The following PTPN11 variants were observed in gnomAD, a reference collection of about 807,000 sequenced individuals.
PTPN11 encodes protein tyrosine phosphatase non-receptor type 11.
Under a neutral mutation model 78.8 loss-of-function variants are expected in PTPN11, and 6 were observed. That is an observed-to-expected ratio of 0.08 (90% confidence interval 0.04 to 0.15). PTPN11 has a LOEUF of 0.15. PTPN11 is among the 10% of genes least tolerant of loss of function. The pLI, the probability that PTPN11 is intolerant of heterozygous loss-of-function variation, is 1.00. For synonymous variants in PTPN11, 221 were observed against 263.5 expected (o/e 0.84, Z 1.56); for missense variants, 386 against 744.8 (o/e 0.52, Z 5.61).
At chr12:112,470,901 GCA>G (rs1438562227) in intron 6 of PTPN11, among the ~76,000 whole-genome samples, 1 of 152,136 alleles carries the variant, frequency 6.6e-6, no homozygotes, top group East Asian at 1.9e-4. Flanking sequence ...TGCTAACACA[GCA>G]GTATTGCTTG....
In PTPN11 at chr12:112,419,105, G is replaced by A. The variant is rs1267025751; in HGVS notation, c.-7G>A. On this transcript the variant is annotated 5_prime_UTR_variant, in exon 1 of 16. Coordinates refer to ENST00000351677, the MANE Select transcript of PTPN11 (RefSeq NM_002834.5). ...GGTCCGTCGCGGAGCCGGAGGGCGG[G>A]AGGAACATGACATCGCGGAGGTGAG... The A allele has an allele frequency of 3.3e-6, 5 of 1,531,062 alleles. No homozygotes were observed. In the African/African-American group the frequency reaches 5.6e-5, roughly 17 times the overall value. 94.8% of individuals were successfully genotyped at this position (1,531,062 alleles called of 1,614,324 possible).
chr12:112,488,739 C>T (rs1227835499), intron 12 of PTPN11, among the ~76,000 whole-genome samples: 1 of 152,188 alleles, frequency 6.6e-6, no homozygotes, highest in Non-Finnish European at 1.5e-5. Flanking sequence ...CCTTTTGTTG[C>T]ATACACAGTG....
At chr12:112,446,018 G>A (rs2037988756) in intron 1 of PTPN11, among the ~76,000 whole-genome samples, 3 of 152,090 alleles carry the variant, frequency 2.0e-5, no homozygotes, top group Admixed American at 2.0e-4. Context: ...CCCCCTCAGT[G>A]CACTGTCTTA....
Position 112,463,493 on chromosome 12 carries a change from A to G in PTPN11, c.756+7430A>G, listed in dbSNP as rs1165204178. ...ACTTTCACAAAGAGCTTGTGTGGCA[A>G]TGGGGTATTTTTTGCAAATTCCATT... On this transcript the variant is annotated intron_variant, in intron 6 of 15. Transcript: ENST00000351677. 2.6e-5 allele frequency among the ~76,000 whole-genome samples: 4 copies of G among 152,180 alleles called. No homozygotes were observed. In the East Asian group the frequency reaches 5.8e-4, roughly 22 times the overall value.
At chr12:112,499,213 TA>T (rs1181294791) in intron 13 of PTPN11, among the ~76,000 whole-genome samples, 2 of 152,132 alleles carry the variant, frequency 1.3e-5, no homozygotes, top group South Asian at 2.1e-4. Context: ...AAATTGCTTT[TA>T]AAAAAAGTAT....
chr12:112,487,896 G>A (rs2038700238), intron 11 of PTPN11, among the ~76,000 whole-genome samples: 1 of 152,058 alleles, frequency 6.6e-6, no homozygotes, highest in Non-Finnish European at 1.5e-5. Flanking sequence ...CAATTCTCAT[G>A]TCTCAGCCTC....
chr12:112,482,056 T>C lies in PTPN11; in HGVS notation c.1093-18T>C. ...AGAGTTCACAGAATTAACTTTCTTT[T>C]TTTCTGATCTCTTCCAGAGTAAATG... On this transcript the variant is annotated intron_variant, in intron 9 of 15. Coordinates refer to ENST00000351677, the MANE Select transcript of PTPN11 (RefSeq NM_002834.5). The surrounding 1 kb of genome is among the most constrained non-coding windows in gnomAD (Gnocchi z 4.4). 6.5e-7 allele frequency: 1 copy of C among 1,550,354 alleles called. No homozygotes were observed. The highest frequency in any genetic ancestry group is 8.9e-7 in the Non-Finnish European group (1 of 1,122,628).
In PTPN11 at chr12:112,473,057, C is replaced by T. The variant is rs746692191; in HGVS notation, c.853+17C>T. 114 of 1,548,210 alleles carry T rather than the reference C, an allele frequency of 7.4e-5. 1 individual carries two copies. Among genetic ancestry groups the T allele is most frequent in the Non-Finnish European group, 8.3e-5 (93 of 1,120,636 alleles). On this transcript the variant is annotated intron_variant, in intron 7 of 15. Transcript: ENST00000351677. ...TCCTGCCCTGTAAGTATCAATATTC[C>T]GCTCAGTAATAGTCACTCTTGGAGA...
chr12:112,450,073 C>T (rs545828368), intron 2 of PTPN11, among the ~76,000 whole-genome samples: 10 of 143,218 alleles, frequency 7.0e-5, no homozygotes, highest in South Asian at 6.6e-4. Context: ...GCAATAAGAG[C>T]GAAACTCCAT....
intron 13 of PTPN11, among the ~76,000 whole-genome samples, chr12:112,497,793 G>T (rs7957501): frequency 0.039 from 5,985 of 152,232 alleles, 271 homozygotes; most frequent in African/African-American, 0.11. Flanking sequence ...ATTACAGATT[G>T]TAGACTTTAT....
intron 4 of PTPN11, among the ~76,000 whole-genome samples, 199 bp from the exon 5 acceptor site, chr12:112,454,365 C>T (rs1485891871): frequency 6.6e-6 from 1 of 152,160 alleles, no homozygotes; most frequent in African/African-American, 2.4e-5. Flanking sequence ...AATGATCTGC[C>T]CGCCTTGGCC....
intron 1 of PTPN11, among the ~76,000 whole-genome samples, chr12:112,421,785 C>T (rs1399395237): frequency 1.3e-5 from 2 of 152,092 alleles, no homozygotes; most frequent in Non-Finnish European, 2.9e-5. Context: ...CACCACCACA[C>T]CCGGCTAATT....
chr12:112,420,770 G>T (rs1012777603), intron 1 of PTPN11, among the ~76,000 whole-genome samples: 1 of 152,212 alleles, frequency 6.6e-6, no homozygotes, highest in Non-Finnish European at 1.5e-5. Context: ...TGAGTGACTT[G>T]GACAGGTCGG....
At chr12:112,454,052 A>G (rs2038117766) in intron 4 of PTPN11, among the ~76,000 whole-genome samples, 1 of 152,012 alleles carries the variant, frequency 6.6e-6, no homozygotes, top group Non-Finnish European at 1.5e-5. Flanking sequence ...TATTTAATAT[A>G]TTATTATACT....
chr12:112,434,916 A>G (rs984376244), intron 1 of PTPN11, among the ~76,000 whole-genome samples: 1 of 151,816 alleles, frequency 6.6e-6, no homozygotes, highest in Non-Finnish European at 1.5e-5. Flanking sequence ...CCTCCCAAGT[A>G]GCTGAGACTA....
intron 13 of PTPN11, among the ~76,000 whole-genome samples, chr12:112,495,868 C>T (rs1350498810): frequency 1.3e-5 from 2 of 152,082 alleles, no homozygotes; most frequent in African/African-American, 2.4e-5. Context: ...GGTTGTATTG[C>T]TTTTGCACCA....
chr12:112,450,964 C>G (rs1222731067), intron 3 of PTPN11, among the ~76,000 whole-genome samples: 1 of 152,176 alleles, frequency 6.6e-6, no homozygotes, highest in Non-Finnish European at 1.5e-5. Context: ...AGAGGGTCAG[C>G]TTTTTCATCA....
At position 112,486,544 on chromosome 12, in the gene PTPN11, C is replaced by G; in HGVS notation, c.1294C>G (p.Pro432Ala). The G allele has an allele frequency of 1.9e-6, 3 of 1,614,162 alleles. No individual in the cohort carries two copies. ...GCCGGACCACGGCGTGCCCAGCGACCCTGGGGGCGTGCTGGACTTCCTGGA... is the reference window on the plus strand; with the variant it reads ...GCCGGACCACGGCGTGCCCAGCGACGCTGGGGGCGTGCTGGACTTCCTGGA... ...TWPDHGVPSD[P>A]GGVLDFLEEV... is the part of the protein sequence containing the mutation. The change falls in exon 11 of 16, where the codon CCT becomes GCT. Residue 432 changes from proline (P) to alanine (A), a missense_variant. Transcript: ENST00000351677.
In PTPN11 at chr12:112,482,291, TACA is replaced by T; in HGVS notation, c.1224+87_1224+89del. The T allele has an allele frequency of 6.9e-7, 1 of 1,444,520 alleles. No individual in the cohort carries two copies. Among genetic ancestry groups the T allele is most frequent in the South Asian group, 1.2e-5 (1 of 86,832 alleles). The allele number at this position is 1,444,520 out of a possible 1,614,324, so 89.5% of individuals were successfully genotyped here. The stretch of plus-strand genomic sequence containing the variant: ...GGTCTTGCCGTTACTCATGTTTGCA[TACA>T]TGCATGCATTCGCTCACTCATTGAT... On this transcript the variant is annotated intron_variant, in intron 10 of 15. Coordinates refer to ENST00000351677, the MANE Select transcript of PTPN11 (RefSeq NM_002834.5). The surrounding 1 kb of genome is among the most constrained non-coding windows in gnomAD (Gnocchi z 4.4).
Sources: gnomAD v4.1 joint callset for allele counts (sites outside exome capture counted in the v4.1 genomes callset) on GRCh38, gnomAD v4.1.1 for gene constraint, Gnocchi (gnomAD v3.1) non-coding constraint, MANE v1.5 for transcripts, NCBI Gene and HGNC (gene_info 2026-07-23, HGNC 2026-07-21) for gene names.